PLCB1: variants seen among roughly 807,000 people sequenced by gnomAD.
The protein encoded by PLCB1 is 1-phosphatidylinositol 4,5-bisphosphate phosphodiesterase beta-1.
Under a neutral mutation model 161.8 loss-of-function variants are expected in PLCB1, and 46 were observed. The ratio of observed to expected loss-of-function variants is 0.28; its 90% CI spans 0.22 to 0.36. The LOEUF is 0.36. Ranked by LOEUF, PLCB1 falls within the 10% of genes least tolerant of loss-of-function variation. PLCB1 has a pLI of 1.00. For synonymous variants in PLCB1, 517 were observed against 503.7 expected (o/e 1.03, Z -0.35); for missense variants, 1,016 against 1,472.5 (o/e 0.69, Z 5.07).
chr20:8,381,673 A>C lies in PLCB1; in HGVS notation c.246+10223A>C, dbSNP rs777932090. ...GACTTCTTCCTGGTTTAGTCTTGGG[A>C]GGTTGTATGTGTCCAGGAATTTATT... On this transcript the variant is annotated intron_variant, in intron 3 of 31. Transcript: ENST00000338037. Among the ~76,000 whole-genome samples, 3 of 151,974 alleles carry C rather than the reference A, an allele frequency of 2.0e-5. No homozygotes were observed. In the East Asian group the frequency reaches 5.8e-4, roughly 29 times the overall value.
At chr20:8,628,706 G>T (rs527292260) in intron 4 of PLCB1, 7 of 297,532 alleles carry the variant, frequency 2.4e-5, no homozygotes, top group African/African-American at 1.5e-4. Context: ...AGGCCGAGGC[G>T]GACAGATCAC....
intron 27 of PLCB1, among the ~76,000 whole-genome samples, chr20:8,774,995 T>A (rs1038147210): frequency 6.6e-6 from 1 of 152,130 alleles, no homozygotes; most frequent in Non-Finnish European, 1.5e-5. Context: ...CTTTTGGGAA[T>A]CTTTGAAATC....
chr20:8,791,886 C>T (rs1983776387), intron 31 of PLCB1, among the ~76,000 whole-genome samples: 1 of 152,112 alleles, frequency 6.6e-6, no homozygotes, highest in Admixed American at 6.5e-5. Flanking sequence ...TAACTTTTGG[C>T]TGATTTATTA....
rs563597175 is a variant in PLCB1 at position 8,545,200 on chromosome 20, G to A, written c.247-83094G>A. Among the ~76,000 whole-genome samples the A allele has an allele frequency of 2.0e-5, 3 of 152,316 alleles. No individual in the cohort carries two copies. The South Asian group carries it at 6.2e-4, about 32-fold the overall frequency. On this transcript the variant is annotated intron_variant, in intron 3 of 31. Transcript: ENST00000338037. ...AAGTGGTGTTTGAAGTGAGCATTAA[G>A]AATAGATTAAGTCATGTCATAGAAT... is the stretch of plus-strand genomic sequence containing the variant.
intron 31 of PLCB1, among the ~76,000 whole-genome samples, chr20:8,807,525 G>A (rs1280645018): frequency 2.0e-5 from 3 of 151,172 alleles, no homozygotes; most frequent in South Asian, 2.1e-4. Flanking sequence ...TCTGGGAACC[G>A]TGAATGCTTT....
intron 4 of PLCB1, among the ~76,000 whole-genome samples, chr20:8,632,053 T>TTG (rs1988614323): frequency 7.3e-6 from 1 of 137,498 alleles, no homozygotes; most frequent in Non-Finnish European, 1.5e-5. Flanking sequence ...TTTTTTTTTT[T>TTG]TTTTTTTTTT....
chr20:8,731,413 G>T (rs1464100199), intron 18 of PLCB1, among the ~76,000 whole-genome samples: 1 of 151,716 alleles, frequency 6.6e-6, no homozygotes, highest in East Asian at 1.9e-4. Context: ...CAAACACCAG[G>T]TCTTAACGTC....
chr20:8,469,982 C>T (rs1055314516), intron 3 of PLCB1, among the ~76,000 whole-genome samples: 1 of 152,110 alleles, frequency 6.6e-6, no homozygotes, highest in Admixed American at 6.6e-5. Context: ...TTTCTGTCTC[C>T]ATGGATTTGT....
At chr20:8,355,113 A>G (rs1360169995) in intron 2 of PLCB1, among the ~76,000 whole-genome samples, 1 of 152,078 alleles carries the variant, frequency 6.6e-6, no homozygotes, top group East Asian at 1.9e-4. Flanking sequence ...TCTCAGTTTT[A>G]CCATCTATTA....
At chr20:8,555,611 T>C (rs948436933) in intron 3 of PLCB1, among the ~76,000 whole-genome samples, 1 of 152,138 alleles carries the variant, frequency 6.6e-6, no homozygotes, top group African/African-American at 2.4e-5. Context: ...CTACCTCTCT[T>C]ATTAAGTGTT....
intron 31 of PLCB1, among the ~76,000 whole-genome samples, chr20:8,798,753 T>C (rs1022207120): frequency 1.5e-4 from 23 of 152,044 alleles, no homozygotes; most frequent in Admixed American, 1.5e-3. Flanking sequence ...CCATCAGCCC[T>C]CCAATTCTCA....
At chr20:8,557,993 C>T (rs578171572) in intron 3 of PLCB1, among the ~76,000 whole-genome samples, 20 of 151,662 alleles carry the variant, frequency 1.3e-4, no homozygotes, top group South Asian at 6.2e-4. Context: ...TCTTACAAAA[C>T]GGGTGATTAC....
chr20:8,740,398 C>T lies in PLCB1; in HGVS notation c.2363C>T (p.Ala788Val), dbSNP rs1003811907. The T allele has an allele frequency of 6.2e-7, 1 of 1,607,322 alleles. No individual in the cohort carries two copies. The highest frequency in any genetic ancestry group is 8.5e-7 in the Non-Finnish European group (1 of 1,177,920). Reference sequence around the variant, plus strand: ...AGGAACCAGCCTCTGACGCTGCCTGCTGTCTTTGTCTACATAGAAGTGAAA... The same window carrying T: ...AGGAACCAGCCTCTGACGCTGCCTGTTGTCTTTGTCTACATAGAAGTGAAA... ...NERNQPLTLPAVFVYIEVKDY... is the reference protein window; with the variant it reads ...NERNQPLTLPVVFVYIEVKDY... The change falls in exon 22 of 32, where the codon GCT (alanine) becomes GTT (valine). Residue 788 changes from alanine (A) to valine (V), a missense_variant. Around this residue, in one of 10 missense-constraint regions of PLCB1, gnomAD observed 75 missense variants for 117.0 expected, o/e 0.64. Coordinates refer to ENST00000338037, the MANE Select transcript of PLCB1 (RefSeq NM_015192.4).
intron 3 of PLCB1, among the ~76,000 whole-genome samples, chr20:8,587,283 G>T (rs1158765347): frequency 2.6e-5 from 4 of 152,054 alleles, no homozygotes; most frequent in African/African-American, 9.7e-5. Context: ...TAAATGAGTT[G>T]GGTTATTATT....
chr20:8,388,292 A>G (rs1987489900), intron 3 of PLCB1, among the ~76,000 whole-genome samples: 1 of 152,192 alleles, frequency 6.6e-6, no homozygotes, highest in African/African-American at 2.4e-5. Flanking sequence ...CTCATCATAG[A>G]ATCTGGATGC....
At position 8,688,485 on chromosome 20, in the gene PLCB1, A is replaced by AT. The variant is rs982518979; in HGVS notation, c.1009+3410dup. Among the ~76,000 whole-genome samples, 223 of 152,230 alleles carry AT rather than the reference A, an allele frequency of 1.5e-3. 4 individuals are homozygous for AT. Among genetic ancestry groups the AT allele is most frequent in the Non-Finnish European group, 3.1e-4 (21 of 67,996 alleles). On this transcript the variant is annotated intron_variant, in intron 10 of 31. Transcript: ENST00000338037. ...GAATTTTTATAGTTTCAGGTCTTAG[A>AT]TTTAGGTCCTTAATCCATCTTGAGT...
intron 2 of PLCB1, among the ~76,000 whole-genome samples, chr20:8,258,744 G>A (rs997105526): frequency 6.6e-5 from 10 of 152,044 alleles, no homozygotes; most frequent in African/African-American, 2.4e-4. Flanking sequence ...ATTTCGATTA[G>A]TGTTATTTTT....
At chr20:8,216,197 G>A (rs966899293) in intron 2 of PLCB1, among the ~76,000 whole-genome samples, 2 of 152,060 alleles carry the variant, frequency 1.3e-5, no homozygotes, top group East Asian at 3.9e-4. Flanking sequence ...TAAACTGTAT[G>A]TTTTTTACTT....
intron 2 of PLCB1, among the ~76,000 whole-genome samples, chr20:8,163,776 C>T (rs1485814098): frequency 6.6e-6 from 1 of 152,140 alleles, no homozygotes; most frequent in African/African-American, 2.4e-5. Flanking sequence ...TGCCACATTT[C>T]CCACCAGGCT....
Sources: allele counts gnomAD v4.1 joint callset (sites outside exome capture counted in the v4.1 genomes callset), GRCh38; gene constraint gnomAD v4.1.1; regional missense constraint gnomAD v4.1.1; transcripts MANE v1.5; gene names NCBI Gene and HGNC (gene_info 2026-07-23, HGNC 2026-07-21).